The following ABCA12 variants were observed in gnomAD, a reference collection of about 807,000 sequenced individuals.
ABCA12 encodes the protein glucosylceramide transporter ABCA12.
ABCA12 carries 156 observed loss-of-function variants against 293.5 expected under a neutral mutation model. That is an observed-to-expected ratio of 0.53 (90% CI 0.47 to 0.61). The LOEUF (loss-of-function observed/expected upper bound fraction) is 0.61, where lower values mean the gene tolerates loss of function less well. Among genes scored for constraint, ABCA12 ranks in the 20% least tolerant of loss-of-function variants. The pLI is 0.00. For synonymous variants in ABCA12, 1,063 were observed against 1,108.0 expected (o/e 0.96, Z 0.81); for missense variants, 2,797 against 3,090.2 (o/e 0.91, Z 2.25).
intron 39 of ABCA12, among the ~76,000 whole-genome samples, chr2:214,964,000 G>A (rs10932585): frequency 0.5 from 74,301 of 149,806 alleles, 18,561 homozygotes; most frequent in South Asian, 0.6. Flanking sequence ...ATAAAACACT[G>A]GCAAACTCCA....
At chr2:215,134,620 G>GAGAGAGACAAAC (rs1374606927) in intron 1 of ABCA12, among the ~76,000 whole-genome samples, 2 of 93,398 alleles carry the variant, frequency 2.1e-5, no homozygotes, top group African/African-American at 1.3e-4. Flanking sequence ...TATATATAGA[G>GAGAGAGACAAAC]AGAGAGAGAG....
intron 9 of ABCA12, 82 bp from the exon 10 acceptor site, chr2:215,027,020 T>C: frequency 4.9e-6 from 5 of 1,020,124 alleles, no homozygotes; most frequent in Non-Finnish European, 7.7e-6. Context: ...TTTGGTCCCT[T>C]GTTTGGCATT....
At chr2:214,963,334 G>A (rs1475534985) in intron 39 of ABCA12, 1 of 151,790 alleles carries the variant, frequency 6.6e-6, no homozygotes, top group African/African-American at 2.4e-5. Flanking sequence ...ATAAATTTCT[G>A]GACACATATA....
chr2:214,979,201 T>G (rs1441924015), intron 31 of ABCA12, among the ~76,000 whole-genome samples, 161 bp from the exon 32 acceptor site: 1 of 152,118 alleles, frequency 6.6e-6, no homozygotes, highest in Non-Finnish European at 1.5e-5. Context: ...CTTGGGTCCC[T>G]ATTCTACTGG....
chr2:215,064,019 G>A (rs1701587927), intron 3 of ABCA12, 47 bp downstream of exon 3: 6 of 1,611,110 alleles, frequency 3.7e-6, no homozygotes, highest in Non-Finnish European at 5.1e-6. Flanking sequence ...AAGGAAACAA[G>A]ATTTGATCTC....
chr2:215,085,849 A>T (rs1702028242), intron 2 of ABCA12, among the ~76,000 whole-genome samples: 1 of 152,234 alleles, frequency 6.6e-6, no homozygotes, highest in African/African-American at 2.4e-5. Context: ...AACATCAAAT[A>T]CATAGGCACT....
At chr2:214,949,998 T>C (rs1027252125) in intron 45 of ABCA12, among the ~76,000 whole-genome samples, 4 of 152,188 alleles carry the variant, frequency 2.6e-5, no homozygotes, top group African/African-American at 7.2e-5. Context: ...TCCGAGTTTC[T>C]AACCTTTGGA....
At chr2:214,961,099 A>G (rs1452851002) in intron 39 of ABCA12, among the ~76,000 whole-genome samples, 1 of 152,122 alleles carries the variant, frequency 6.6e-6, no homozygotes, top group Non-Finnish European at 1.5e-5. Context: ...TTTTAAAACC[A>G]GTAACATTAT....
At chr2:215,069,645 A>G (rs924717027) in intron 2 of ABCA12, among the ~76,000 whole-genome samples, 2 of 152,110 alleles carry the variant, frequency 1.3e-5, no homozygotes, top group African/African-American at 4.8e-5. Flanking sequence ...CTTTCATTTG[A>G]GGGATCAGTC....
At position 215,094,200 on chromosome 2, in the gene ABCA12, C is replaced by T. The variant is rs369695027; in HGVS notation, c.163+17397G>A. Among the ~76,000 whole-genome samples the T allele has an allele frequency of 1.7e-4, 26 of 152,304 alleles. 1 individual carries two copies. Among genetic ancestry groups the T allele is most frequent in the South Asian group, 6.2e-4 (3 of 4,818 alleles). On this transcript the variant is annotated intron_variant, in intron 2 of 52. Transcript: ENST00000272895. The stretch of plus-strand genomic sequence containing the variant: ...TGGGCTGAAAGAGGTTTCCTCACTA[C>T]GCAAGTGTCCTCCTTTATTAATGCC...
chr2:215,013,531 CA>C (rs1700421218), intron 15 of ABCA12: 1 of 154,326 alleles, frequency 6.5e-6, no homozygotes, highest in African/African-American at 2.4e-5. Flanking sequence ...TCAGAACCAA[CA>C]TTTTTTTCTA....
Position 215,097,957 on chromosome 2 carries a change from T to G in ABCA12, c.163+13640A>C, listed in dbSNP as rs944553442. Reference sequence around the variant, plus strand: ...ACCTGCATAACAAAGTTCTATAATTTTTTTTCCCTGATTTTCAGAGCTCTG... The same window carrying G: ...ACCTGCATAACAAAGTTCTATAATTGTTTTTCCCTGATTTTCAGAGCTCTG... On this transcript the variant is annotated intron_variant, in intron 2 of 52. Coordinates refer to ENST00000272895, the MANE Select transcript of ABCA12 (RefSeq NM_173076.3). Among the ~76,000 whole-genome samples the G allele has an allele frequency of 6.8e-4, 104 of 152,290 alleles. 1 individual carries two copies. The highest frequency in any genetic ancestry group is 2.5e-3 in the African/African-American group (102 of 41,558).
chr2:215,009,004 AT>A (rs1700313756), intron 18 of ABCA12, among the ~76,000 whole-genome samples: 1 of 152,174 alleles, frequency 6.6e-6, no homozygotes, highest in African/African-American at 2.4e-5. Context: ...AGGTCATTCT[AT>A]TATAAAGATG....
At chr2:215,135,805 C>T (rs1458743428) in intron 1 of ABCA12, among the ~76,000 whole-genome samples, 1 of 152,172 alleles carries the variant, frequency 6.6e-6, no homozygotes, top group Non-Finnish European at 1.5e-5. Flanking sequence ...TCTTATTCCT[C>T]TCTTCCTTTT....
Position 215,130,075 on chromosome 2 carries a change from A to G in ABCA12, c.69+8065T>C, listed in dbSNP as rs955730239. 8.5e-5 allele frequency among the ~76,000 whole-genome samples: 13 copies of G among 152,202 alleles called. 1 individual carries two copies. The South Asian group carries it at 2.3e-3, about 27-fold the overall frequency. ...ATTTTGGGGTTCTCTATTCTGTTCC[A>G]TTGATCTGTGTCTATTTTTGTATCA... On this transcript the variant is annotated intron_variant, in intron 1 of 52. Transcript: ENST00000272895.
At chr2:215,032,948 T>C (rs1304643977) in intron 8 of ABCA12, among the ~76,000 whole-genome samples, 1 of 152,226 alleles carries the variant, frequency 6.6e-6, no homozygotes, top group African/African-American at 2.4e-5. Flanking sequence ...ATTATTAACT[T>C]TATTTAAATT....
Position 214,975,817 on chromosome 2 carries a change from AAG to A in ABCA12, c.5347_5348del (p.Tyr1784TrpfsTer11), listed in dbSNP as rs1699502232. ...AGGCTGTCTGTTCGGAGGTACCATA[AAG>A]AGAGGGGGAGATCTGAATCTCTGGA... ...SYPEIQISPS[L>X]YGTSEQTAFY... On this transcript the variant is annotated frameshift_variant, in exon 34 of 53. Transcript: ENST00000272895. LOFTEE classifies it high-confidence loss of function. 3 of 1,614,124 alleles carry A rather than the reference AAG, an allele frequency of 1.9e-6. No homozygotes were observed. Among genetic ancestry groups the A allele is most frequent in the Non-Finnish European group, 2.5e-6 (3 of 1,179,976 alleles).
chr2:215,035,351 C>T (rs1295958119), intron 8 of ABCA12, among the ~76,000 whole-genome samples: 1 of 152,148 alleles, frequency 6.6e-6, no homozygotes, highest in Non-Finnish European at 1.5e-5. Flanking sequence ...TCCTTGTCTT[C>T]TTGACCATCC....
At chr2:215,050,096 CAG>C (rs1701288385) in intron 5 of ABCA12, among the ~76,000 whole-genome samples, 1 of 152,110 alleles carries the variant, frequency 6.6e-6, no homozygotes, top group African/African-American at 2.4e-5. Flanking sequence ...CCTCAATGCA[CAG>C]AGTCTTTGCT....
Sources: allele counts gnomAD v4.1 joint callset (sites outside exome capture counted in the v4.1 genomes callset), GRCh38; gene constraint gnomAD v4.1.1; transcripts MANE v1.5; gene names NCBI Gene and HGNC (gene_info 2026-07-23, HGNC 2026-07-21).